Variants in TADA2A observed in about 807,000 individuals in gnomAD.
TADA2A encodes the protein transcriptional adaptor 2A, also known as transcriptional adapter 2-alpha.
A neutral mutation model predicts 67.4 loss-of-function variants in TADA2A; 38 were observed. That is an observed-to-expected ratio of 0.56 (90% CI 0.44 to 0.74). The LOEUF is 0.74. Among genes scored for constraint, TADA2A ranks in the 30% least tolerant of loss-of-function variants. The pLI, the probability that TADA2A is intolerant of heterozygous loss-of-function variation, is 0.00. For synonymous variants in TADA2A, 192 were observed against 181.6 expected (o/e 1.06, Z -0.46); for missense variants, 454 against 547.0 (o/e 0.83, Z 1.70).
intron 2 of TADA2A, among the ~76,000 whole-genome samples, chr17:37,423,298 C>T (rs1216258247): frequency 2.0e-5 from 3 of 152,122 alleles, no homozygotes; most frequent in Non-Finnish European, 4.4e-5. Flanking sequence ...TTCATATCTA[C>T]GTAAATGCTG....
intron 8 of TADA2A, among the ~76,000 whole-genome samples, chr17:37,447,031 T>C (rs1056163478): frequency 7.2e-5 from 11 of 152,252 alleles, no homozygotes; most frequent in African/African-American, 2.4e-4. Flanking sequence ...CTGTAAATTA[T>C]TGATTTTCAT....
At chr17:37,443,005 A>G (rs2052967348) in intron 7 of TADA2A, among the ~76,000 whole-genome samples, 1 of 152,106 alleles carries the variant, frequency 6.6e-6, no homozygotes, top group Non-Finnish European at 1.5e-5. Flanking sequence ...TCTACAAAAA[A>G]TAAAAAATTA....
At chr17:37,439,934 ATTTAT>A (rs1273092396) in intron 5 of TADA2A, among the ~76,000 whole-genome samples, 28 of 88,880 alleles carry the variant, frequency 3.2e-4, no homozygotes, top group African/African-American at 9.6e-4. Context: ...TTATTTATTT[ATTTAT>A]TTATTATTTT....
At chr17:37,445,732 C>T (rs577621567) in intron 8 of TADA2A, among the ~76,000 whole-genome samples, 4 of 152,104 alleles carry the variant, frequency 2.6e-5, no homozygotes, top group African/African-American at 9.6e-5. Context: ...CTAATATATA[C>T]TAATACTACA....
At chr17:37,442,479 A>G (rs2052949155) in intron 6 of TADA2A, 85 bp from the exon 7 acceptor site, 2 of 1,011,220 alleles carry the variant, frequency 2.0e-6, no homozygotes, top group Admixed American at 5.2e-5. Context: ...ACCATTTTAA[A>G]TTTTATTTAT....
At chr17:37,461,649 A>G (rs903398338) in intron 9 of TADA2A, among the ~76,000 whole-genome samples, 4 of 152,230 alleles carry the variant, frequency 2.6e-5, no homozygotes, top group African/African-American at 7.2e-5. Context: ...GTGAATGCAC[A>G]GTTGAAAATG....
intron 12 of TADA2A, 52 bp downstream of exon 12, chr17:37,467,577 A>G (rs371063183): frequency 3.5e-6 from 5 of 1,425,472 alleles, no homozygotes; most frequent in East Asian, 2.3e-5. Context: ...TCTTCCAGAC[A>G]CACAGAGGAA....
chr17:37,435,084 T>C (rs2052682156), intron 4 of TADA2A, among the ~76,000 whole-genome samples: 1 of 152,128 alleles, frequency 6.6e-6, no homozygotes, highest in South Asian at 2.1e-4. Flanking sequence ...CCGTCTCTAC[T>C]AAAAATACAA....
At position 37,476,953 on chromosome 17, in the gene TADA2A, A is replaced by C; in HGVS notation, c.1303A>C (p.Ile435Leu). ...NKTRKIYDFL[I>L]REGYITKG is the part of the protein sequence containing the mutation. Reference sequence around the variant, plus strand: ...AACCCGGAAAATCTATGATTTCCTCATCAGAGAAGGATACATCACTAAAGG... The same window carrying C: ...AACCCGGAAAATCTATGATTTCCTCCTCAGAGAAGGATACATCACTAAAGG... Residue 435 changes from isoleucine to leucine, a missense_variant, in exon 16 of 16, where the codon ATC becomes CTC. Ile to Leu is a conservative substitution (Grantham distance 5). Transcript: ENST00000615182. 6.2e-7 allele frequency: 1 copy of C among 1,613,878 alleles called. No individual in the cohort carries two copies. Among genetic ancestry groups the C allele is most frequent in the Non-Finnish European group, 8.5e-7 (1 of 1,179,840 alleles).
intron 2 of TADA2A, among the ~76,000 whole-genome samples, chr17:37,416,294 T>C (rs1483962489): frequency 6.6e-6 from 1 of 151,886 alleles, no homozygotes; most frequent in Non-Finnish European, 1.5e-5. Flanking sequence ...AATTTTTGTA[T>C]TTTTAGTAGA....
In TADA2A at chr17:37,476,910, C is replaced by T; in HGVS notation, c.1260C>T (p.Ile420=). Residue 420 remains isoleucine (I), a synonymous_variant, in exon 16 of 16, where the codon ATC becomes ATT. Transcript: ENST00000615182. ...GLRLAQARAL[I]KIDVNKTRKI... ...GACTGGCGCAGGCAAGAGCACTCAT[C>T]AAGATAGATGTGAACAAAACCCGGA... 6.2e-7 allele frequency: 1 copy of T among 1,614,090 alleles called. No individual in the cohort carries two copies. Among genetic ancestry groups the T allele is most frequent in the Non-Finnish European group, 8.5e-7 (1 of 1,180,016 alleles).
At chr17:37,445,955 G>C (rs2053065702) in intron 8 of TADA2A, among the ~76,000 whole-genome samples, 2 of 152,038 alleles carry the variant, frequency 1.3e-5, no homozygotes, top group Admixed American at 1.3e-4. Flanking sequence ...GTCCCTAGAA[G>C]GGGAACTTGA....
intron 5 of TADA2A, among the ~76,000 whole-genome samples, chr17:37,439,848 A>G (rs1443232879): frequency 2.0e-5 from 3 of 151,864 alleles, no homozygotes; most frequent in African/African-American, 7.2e-5. Flanking sequence ...CTTATTATTT[A>G]CAGCAATTAT....
chr17:37,435,312 G>A (rs540615516), intron 4 of TADA2A, among the ~76,000 whole-genome samples: 14 of 152,154 alleles, frequency 9.2e-5, no homozygotes, highest in African/African-American at 3.4e-4. Context: ...TTTTTGAAAC[G>A]GAGTCTCTCT....
chr17:37,462,410 C>T (rs1240052178), intron 10 of TADA2A, among the ~76,000 whole-genome samples: 1 of 151,840 alleles, frequency 6.6e-6, no homozygotes, highest in African/African-American at 2.4e-5. Flanking sequence ...GGGCAGATCA[C>T]GAGGTCAGGA....
At chr17:37,410,396 G>T (rs941252683) in intron 1 of TADA2A, among the ~76,000 whole-genome samples, 7 of 148,892 alleles carry the variant, frequency 4.7e-5, no homozygotes, top group Non-Finnish European at 1.0e-4. Context: ...GGCTGGTCTT[G>T]AACTCCTGGG....
At chr17:37,470,964 A>G (rs2053774379) in intron 13 of TADA2A, 130 bp from the exon 14 acceptor site, 1 of 857,678 alleles carries the variant, frequency 1.2e-6, no homozygotes, top group African/African-American at 1.6e-5. Flanking sequence ...TCTGTAAAAC[A>G]TAGTTCAGTC....
intron 2 of TADA2A, among the ~76,000 whole-genome samples, chr17:37,422,514 T>TATTATTATC (rs1327236866): frequency 6.9e-6 from 1 of 145,982 alleles, no homozygotes; most frequent in East Asian, 2.0e-4. Context: ...TTATTATTAT[T>TATTATTATC]ATTATTATTT....
At position 37,423,511 on chromosome 17, in the gene TADA2A, G is replaced by A. The variant is rs1568137334; in HGVS notation, c.28G>A (p.Asp10Asn). The change falls in exon 3 of 16, where the codon GAT becomes AAT. Residue 10 changes from aspartate (D) to asparagine (N), a missense_variant and splice_region_variant. By Grantham distance (23) the Asp-to-Asn change is conservative. Transcript: ENST00000615182. ...CATTTGTTTTCTGTTTGTTCTAGAT[G>A]ATCCCTCTGATAAGCCACCTTGCCG... MDRLGSFSNDPSDKPPCRGC... is the reference protein window; with the variant it reads MDRLGSFSNNPSDKPPCRGC... The A allele has an allele frequency of 6.2e-7, 1 of 1,608,498 alleles. No homozygotes were observed. Among genetic ancestry groups the A allele is most frequent in the East Asian group, 2.2e-5 (1 of 44,838 alleles).
Sources: gnomAD v4.1 joint callset for allele counts (sites outside exome capture counted in the v4.1 genomes callset) on GRCh38, gnomAD v4.1.1 for gene constraint, MANE v1.5 for transcripts, NCBI Gene and HGNC (gene_info 2026-07-23, HGNC 2026-07-21) for gene names.